The following RALYL variants were observed in gnomAD, a reference collection of about 807,000 sequenced individuals.
RALYL encodes the protein RALY RNA binding protein like.
In RALYL, 29 loss-of-function variants were observed where a neutral mutation model predicts 35.1. That is an observed-to-expected ratio of 0.83 (90% CI 0.61 to 1.13). RALYL has a LOEUF of 1.13. RALYL is among the 50% of genes most tolerant of loss of function. The probability of loss-of-function intolerance (pLI) is 0.00; values close to 1 mark genes in which losing one functional copy is unlikely to be tolerated. For missense variants in RALYL, 359 were observed against 360.4 expected, an observed-to-expected ratio of 1.00 and a Z score of 0.03; for synonymous variants, 120 against 127.6, an observed-to-expected ratio of 0.94 and a Z score of 0.40.
chr8:84,514,464 C>T (rs370128576), intron 1 of RALYL, among the ~76,000 whole-genome samples: 1 of 152,100 alleles, frequency 6.6e-6, no homozygotes, highest in African/African-American at 2.4e-5. Context: ...ATTAGGGAAC[C>T]AGCAAGTTCT....
intron 1 of RALYL, among the ~76,000 whole-genome samples, chr8:84,491,057 GA>G (rs1489170289): frequency 6.6e-6 from 1 of 151,800 alleles, no homozygotes; most frequent in African/African-American, 2.4e-5. Context: ...TGCCCAAAGT[GA>G]CAATAGCTGT....
chr8:84,379,094 C>T (rs1338298153), intron 1 of RALYL, among the ~76,000 whole-genome samples: 1 of 151,886 alleles, frequency 6.6e-6, no homozygotes, highest in Non-Finnish European at 1.5e-5. Flanking sequence ...TTATTTAGAT[C>T]AGGCTTCAGC....
At chr8:84,299,006 G>T (rs1489381320) in intron 1 of RALYL, among the ~76,000 whole-genome samples, 1 of 151,862 alleles carries the variant, frequency 6.6e-6, no homozygotes, top group Non-Finnish European at 1.5e-5. Context: ...TAATCTGCAG[G>T]CAGACAGTTT....
chr8:84,904,014 T>C (rs1846099268), intron 8 of RALYL, among the ~76,000 whole-genome samples: 1 of 152,166 alleles, frequency 6.6e-6, no homozygotes, highest in African/African-American at 2.4e-5. Context: ...AAAAAACCTC[T>C]TTTGGGGAGA....
intron 1 of RALYL, among the ~76,000 whole-genome samples, chr8:84,362,495 A>C (rs1853251638): frequency 6.6e-6 from 1 of 152,098 alleles, no homozygotes; most frequent in Non-Finnish European, 1.5e-5. Context: ...GCAGGAGGCA[A>C]GCGAGCATTA....
In RALYL at chr8:84,874,292, A is replaced by G. The variant is rs1277504128; in HGVS notation, c.685+895A>G. On this transcript the variant is annotated intron_variant, in intron 7 of 8. Coordinates refer to ENST00000521268, the MANE Select transcript of RALYL (RefSeq NM_173848.7). ...CATTTCTTATAAAATAAATAAATAAATAAAGTGTGAAAGCCCTTGATAAAT... is the reference window on the plus strand; with the variant it reads ...CATTTCTTATAAAATAAATAAATAAGTAAAGTGTGAAAGCCCTTGATAAAT... 2.0e-5 allele frequency among the ~76,000 whole-genome samples: 3 copies of G among 152,176 alleles called. No individual in the cohort carries two copies. The East Asian group carries it at 5.8e-4, about 29-fold the overall frequency.
chr8:84,253,176 G>GTTTTTTTTTTTTT (rs764942491), intron 1 of RALYL, among the ~76,000 whole-genome samples: 2 of 52,822 alleles, frequency 3.8e-5, no homozygotes, highest in African/African-American at 8.7e-5. Context: ...TAGTTCTGCA[G>GTTTTTTTTTTTTT]TTTTTTTTTT....
At chr8:84,511,494 A>G (rs1371699502) in intron 1 of RALYL, among the ~76,000 whole-genome samples, 1 of 152,194 alleles carries the variant, frequency 6.6e-6, no homozygotes, top group Non-Finnish European at 1.5e-5. Flanking sequence ...ATGTTTAATC[A>G]TCAATTCAGG....
At chr8:84,899,277 A>G (rs553237039) in intron 8 of RALYL, among the ~76,000 whole-genome samples, 1 of 151,756 alleles carries the variant, frequency 6.6e-6, no homozygotes, top group Non-Finnish European at 1.5e-5. Context: ...CTTTGTACAT[A>G]GCTCCTCACA....
intron 2 of RALYL, among the ~76,000 whole-genome samples, chr8:84,562,264 A>G (rs1053126991): frequency 1.3e-5 from 2 of 151,902 alleles, no homozygotes; most frequent in Non-Finnish European, 2.9e-5. Context: ...ATTATAGTTC[A>G]TTTGCATAAA....
At chr8:84,820,042 T>C (rs1290358852) in intron 4 of RALYL, among the ~76,000 whole-genome samples, 2 of 152,122 alleles carry the variant, frequency 1.3e-5, no homozygotes, top group Non-Finnish European at 2.9e-5. Flanking sequence ...AAAATCAATC[T>C]ATTAGAGAGT....
chr8:84,754,168 C>T (rs572569811), intron 2 of RALYL, among the ~76,000 whole-genome samples: 164 of 152,030 alleles, frequency 1.1e-3, no homozygotes, highest in Admixed American at 2.8e-3. Context: ...TCAATTTTGC[C>T]TTTTGTTGCC....
chr8:84,547,838 C>T (rs918064145), intron 2 of RALYL, among the ~76,000 whole-genome samples: 3 of 152,112 alleles, frequency 2.0e-5, no homozygotes, highest in African/African-American at 7.2e-5. Context: ...TAAATGTTTA[C>T]CATGGGTCCT....
intron 1 of RALYL, among the ~76,000 whole-genome samples, chr8:84,438,573 G>A (rs1381824290): frequency 2.0e-5 from 3 of 151,666 alleles, no homozygotes; most frequent in Admixed American, 6.6e-5. Context: ...AAAATTTTTT[G>A]TTGAGCCGAG....
intron 5 of RALYL, 48 bp downstream of exon 5, chr8:84,850,075 T>C (rs1835516497): frequency 8.8e-7 from 1 of 1,131,966 alleles, no homozygotes; most frequent in African/African-American, 1.6e-5. Flanking sequence ...AATTATCTTT[T>C]AACCATTTTG....
chr8:84,706,143 C>A lies in RALYL; in HGVS notation c.257-68436C>A, dbSNP rs1484809240. 4.0e-6 allele frequency: 5 copies of A among 1,249,260 alleles called. No homozygotes were observed. The East Asian group carries it at 1.0e-4, about 25-fold the overall frequency. 77.4% of individuals were successfully genotyped at this position (1,249,260 alleles called of 1,614,324 possible). Reference sequence around the variant, plus strand: ...TTTCTTAAAAGACTAATCATGACTTCTTCAGATACATCCTGGTAGTAGAAA... The same window carrying A: ...TTTCTTAAAAGACTAATCATGACTTATTCAGATACATCCTGGTAGTAGAAA... On this transcript the variant is annotated intron_variant, in intron 2 of 8. Transcript: ENST00000521268.
chr8:84,694,981 A>T (rs1451123181), intron 2 of RALYL, among the ~76,000 whole-genome samples: 2 of 151,852 alleles, frequency 1.3e-5, no homozygotes, highest in Non-Finnish European at 2.9e-5. Flanking sequence ...ATAATAGTTG[A>T]GGAAACATTT....
intron 2 of RALYL, among the ~76,000 whole-genome samples, chr8:84,731,000 A>C (rs1019952391): frequency 2.0e-5 from 3 of 152,144 alleles, no homozygotes; most frequent in African/African-American, 7.2e-5. Context: ...GGTGCAGAAG[A>C]AATAGGGGAT....
At chr8:84,642,457 G>A (rs1013446510) in intron 2 of RALYL, among the ~76,000 whole-genome samples, 2 of 151,786 alleles carry the variant, frequency 1.3e-5, no homozygotes, top group African/African-American at 4.8e-5. Flanking sequence ...CATAAGTAAT[G>A]AGTCTTAGCA....
Sources: allele counts gnomAD v4.1 joint callset (sites outside exome capture counted in the v4.1 genomes callset), GRCh38; gene constraint gnomAD v4.1.1; transcripts MANE v1.5; gene names NCBI Gene and HGNC (gene_info 2026-07-23, HGNC 2026-07-21).